Variants in WHAMM observed in about 807,000 individuals in gnomAD.
The protein encoded by WHAMM is WASP homolog-associated protein with actin, membranes and microtubules.
A neutral mutation model predicts 76.5 loss-of-function variants in WHAMM; 67 were observed. That is an observed-to-expected ratio of 0.88 (90% confidence interval 0.72 to 1.07). The LOEUF (loss-of-function observed/expected upper bound fraction) is 1.07. Among genes scored for constraint, WHAMM ranks in the 50% least tolerant of loss-of-function variants. The pLI is 0.00. For synonymous variants in WHAMM, 419 were observed against 422.1 expected (o/e 0.99, Z 0.09); for missense variants, 1,021 against 1,051.1 (o/e 0.97, Z 0.40).
At position 82,834,430 on chromosome 15, in the gene WHAMM, A is replaced by G. The variant is rs1461130876; in HGVS notation, c.*894A>G. 6.6e-6 allele frequency: 1 copy of G among 152,596 alleles called. No individual in the cohort carries two copies. The highest frequency in any genetic ancestry group is 1.5e-5 in the Non-Finnish European group (1 of 68,058). The allele number at this position is 152,596 out of a possible 1,614,324, so 9.5% of individuals were successfully genotyped here. A position where few individuals can be genotyped will look rare whatever the true frequency, so the allele number is the denominator to read the frequency against. On this transcript the variant is annotated 3_prime_UTR_variant, in exon 10 of 10. Transcript: ENST00000286760. ...ACACCAGCCCATAGGTGGGATGTCA[A>G]GACCCATCGGAAGTGTCGCTGGCCT... is the stretch of plus-strand genomic sequence containing the variant.
chr15:82,811,652 A>AT (rs2050630878), intron 1 of WHAMM, among the ~76,000 whole-genome samples: 1 of 152,192 alleles, frequency 6.6e-6, no homozygotes, highest in South Asian at 2.1e-4. Context: ...CAAATATATA[A>AT]TTTTAATATT....
At position 82,815,111 on chromosome 15, in the gene WHAMM, T is replaced by TTATATATATATA. The variant is rs147147568; in HGVS notation, c.784-1548_784-1537dup. On this transcript the variant is annotated intron_variant, in intron 2 of 9. Coordinates refer to ENST00000286760, the MANE Select transcript of WHAMM (RefSeq NM_001080435.3). ...TGTTTTAAGATATCACTCACAGATT[T>TTATATATATATA]TATATATATATATATATATATATAT... Among the ~76,000 whole-genome samples, 142 of 49,586 alleles carry TTATATATATATA rather than the reference T, an allele frequency of 2.9e-3. 1 individual carries two copies. Among genetic ancestry groups the TTATATATATATA allele is most frequent in the South Asian group, 5.0e-3 (5 of 1,006 alleles). The allele number at this position is 49,586 out of a possible 152,430, so 32.5% of individuals were successfully genotyped here. A position where few individuals can be genotyped will look rare whatever the true frequency, so the allele number is the denominator to read the frequency against.
intron 5 of WHAMM, among the ~76,000 whole-genome samples, chr15:82,820,014 T>TC (rs2050793047): frequency 6.6e-6 from 1 of 150,654 alleles, no homozygotes; most frequent in Non-Finnish European, 1.5e-5. Flanking sequence ...AGGGCGAGAC[T>TC]CCATCTTGAA....
intron 5 of WHAMM, among the ~76,000 whole-genome samples, chr15:82,821,836 C>T (rs878901724): frequency 1.3e-5 from 2 of 152,160 alleles, no homozygotes; most frequent in African/African-American, 4.8e-5. Context: ...TACCCAAGAA[C>T]ATGGTATGTC....
chr15:82,825,891 A>T (rs372696316), intron 6 of WHAMM, among the ~76,000 whole-genome samples: 11 of 152,330 alleles, frequency 7.2e-5, no homozygotes, highest in African/African-American at 2.4e-4. Context: ...AAACCTACTC[A>T]ATAAATGTTA....
In WHAMM at chr15:82,823,722, C is replaced by T. The variant is rs150948616; in HGVS notation, c.1458+435C>T. Among the ~76,000 whole-genome samples, 675 of 152,250 alleles carry T rather than the reference C, an allele frequency of 4.4e-3. 3 individuals are homozygous for T. Among genetic ancestry groups the T allele is most frequent in the Non-Finnish European group, 6.1e-3 (418 of 68,020 alleles). On this transcript the variant is annotated intron_variant, in intron 6 of 9. Coordinates refer to ENST00000286760, the MANE Select transcript of WHAMM (RefSeq NM_001080435.3). ...CTGGGTTTACAGGCACGCGCCAGCA[C>T]GCCCAGCTAATTTTTGTATATTTTG... is the stretch of plus-strand genomic sequence containing the variant.
Position 82,833,304 on chromosome 15 carries a change from G to A in WHAMM, c.2198G>A (p.Arg733His), listed in dbSNP as rs367653487. 18 of 1,613,898 alleles carry A rather than the reference G, an allele frequency of 1.1e-5. No individual in the cohort carries two copies. The highest frequency in any genetic ancestry group is 9.9e-5 in the South Asian group (9 of 91,066). ...PLRKVEVPAV[R>H]PPHASINEHI... ...CGGAAGGTGGAAGTGCCGGCGGTGC[G>A]CCCTCCCCACGCCTCAATCAATGAG... The change falls in exon 10 of 10, where the codon CGC becomes CAC. Residue 733 changes from arginine to histidine, a missense_variant. Arg to His is a conservative substitution (Grantham distance 29, BLOSUM62 0). Transcript: ENST00000286760.
intron 1 of WHAMM, 40 bp downstream of exon 1, chr15:82,810,375 A>T (rs779868834): frequency 1.6e-6 from 2 of 1,284,600 alleles, no homozygotes; most frequent in East Asian, 3.2e-5. Flanking sequence ...CCGCGCTTCC[A>T]TGGCCTGGGA....
At chr15:82,826,537 C>T (rs1202407762) in intron 7 of WHAMM, 41 bp downstream of exon 7, 8 of 1,599,338 alleles carry the variant, frequency 5.0e-6, no homozygotes, top group South Asian at 1.1e-5. Flanking sequence ...GTTTGTGTAG[C>T]GTGACATGCA....
intron 5 of WHAMM, among the ~76,000 whole-genome samples, chr15:82,820,042 G>C (rs1461295802): frequency 6.6e-6 from 1 of 150,820 alleles, no homozygotes; most frequent in Non-Finnish European, 1.5e-5. Flanking sequence ...AAAAAAAAAA[G>C]ATACTTCGTG....
rs367874690 is a variant in WHAMM, at chr15:82,833,686, ATTTTT to A, written c.*160_*164del. ...AGGGCCTTGTGTAGGCTGCTGCAGC[ATTTTT>A]TTTTTTTTTCTTTTTTGAGATGGAG... On this transcript the variant is annotated 3_prime_UTR_variant, in exon 10 of 10. Coordinates refer to ENST00000286760, the MANE Select transcript of WHAMM (RefSeq NM_001080435.3). 1.0e-5 allele frequency: 7 copies of A among 677,102 alleles called. No individual in the cohort carries two copies. The highest frequency in any genetic ancestry group is 6.6e-5 in the Admixed American group (2 of 30,454). The allele number at this position is 677,102 out of a possible 1,614,324, so 41.9% of individuals were successfully genotyped here.
rs1404341543 is a variant in WHAMM, at chr15:82,835,197, G to C, written c.*1661G>C. 2 of 151,816 alleles carry C rather than the reference G, an allele frequency of 1.3e-5. No individual in the cohort carries two copies. Among genetic ancestry groups the C allele is most frequent in the Admixed American group, 1.3e-4 (2 of 15,248 alleles). 9.4% of individuals were successfully genotyped at this position (151,816 alleles called of 1,614,324 possible). On this transcript the variant is annotated 3_prime_UTR_variant, in exon 10 of 10. Coordinates refer to ENST00000286760, the MANE Select transcript of WHAMM (RefSeq NM_001080435.3). Reference sequence around the variant, plus strand: ...GCTGGAGTGCGGTGGCACGATCTCAGCTCACTGCAACCTCTGCCTCCTGGG... The same window carrying C: ...GCTGGAGTGCGGTGGCACGATCTCACCTCACTGCAACCTCTGCCTCCTGGG...
intron 3 of WHAMM, among the ~76,000 whole-genome samples, 157 bp downstream of exon 3, chr15:82,816,999 G>A (rs2050738245): frequency 1.3e-5 from 2 of 152,194 alleles, no homozygotes; most frequent in Admixed American, 1.3e-4. Flanking sequence ...CTGGTGAAGG[G>A]AGAGAAATCT....
At chr15:82,825,717 G>A (rs770097940) in intron 6 of WHAMM, among the ~76,000 whole-genome samples, 15 of 151,982 alleles carry the variant, frequency 9.9e-5, no homozygotes, top group Non-Finnish European at 1.9e-4. Flanking sequence ...GAACCCGGGA[G>A]GTGGAGGTTG....
Position 82,809,928 on chromosome 15 carries a change from A to G in WHAMM, c.202A>G (p.Lys68Glu), listed in dbSNP as rs1596274323. ...CCGGTTGGGGCCCGAGCCCGAGCCCAAGCCTGAGGCCGCCGTCTCCCCGTC... is the reference window on the plus strand; with the variant it reads ...CCGGTTGGGGCCCGAGCCCGAGCCCGAGCCTGAGGCCGCCGTCTCCCCGTC... ...GARLGPEPEP[K>E]PEAAVSPSSW... is the part of the protein sequence containing the mutation. Residue 68 changes from lysine to glutamate, a missense_variant, in exon 1 of 10, where the codon AAG (lysine) becomes GAG (glutamate). Around this residue, in one of 3 missense-constraint regions of WHAMM, gnomAD observed 501 missense variants for 524.9 expected, o/e 0.95. Transcript: ENST00000286760. 1 of 1,463,310 alleles carries G rather than the reference A, an allele frequency of 6.8e-7. No homozygotes were observed. The allele number at this position is 1,463,310 out of a possible 1,614,324, so 90.6% of individuals were successfully genotyped here.
intron 8 of WHAMM, among the ~76,000 whole-genome samples, 161 bp downstream of exon 8, chr15:82,827,007 A>G (rs1451484489): frequency 6.6e-6 from 1 of 152,226 alleles, no homozygotes; most frequent in Admixed American, 6.5e-5. Flanking sequence ...AACAACAAAA[A>G]TAGAATATCA....
chr15:82,827,070 G>A (rs957204071), intron 8 of WHAMM, among the ~76,000 whole-genome samples: 5 of 152,124 alleles, frequency 3.3e-5, no homozygotes, highest in Admixed American at 2.0e-4. Context: ...ATCACAACAC[G>A]CTTGGGTTCC....
At position 82,831,064 on chromosome 15, in the gene WHAMM, A is replaced by G. The variant is rs924942916; in HGVS notation, c.2107A>G (p.Ser703Gly). ...TGAGCGACCACGTGACTCCTTGGAA[A>G]GTTTTTCATGTCCAGGTAATCCACT... ...PAERPRDSLE[S>G]FSCPGSMDEV... Residue 703 changes from serine (S) to glycine (G), a missense_variant, in exon 9 of 10, where the codon AGT (serine) becomes GGT (glycine). Physicochemically the swap from Ser to Gly is moderately conservative, Grantham distance 56 (BLOSUM62 0). This residue lies in a region of WHAMM where 509 missense variants were observed against 492.3 expected (regional missense o/e 1.03). Transcript: ENST00000286760. The G allele has an allele frequency of 1.2e-5, 20 of 1,606,942 alleles. No homozygotes were observed. Among genetic ancestry groups the G allele is most frequent in the Non-Finnish European group, 1.7e-5 (20 of 1,179,646 alleles).
Position 82,833,501 on chromosome 15 carries a change from A to G in WHAMM, c.2395A>G (p.Ser799Gly). The stretch of plus-strand genomic sequence containing the variant: ...GGTGTCTGCTGACTCTGAGGAGGAC[A>G]GTGATGAGCAGGACCCTGGCCAGTG... ...KRVSADSEED[S>G]DEQDPGQWDG The change falls in exon 10 of 10, where the codon AGT becomes GGT. Residue 799 changes from serine to glycine, a missense_variant. Transcript: ENST00000286760. 6.2e-7 allele frequency: 1 copy of G among 1,613,968 alleles called. No homozygotes were observed. The highest frequency in any genetic ancestry group is 8.5e-7 in the Non-Finnish European group (1 of 1,179,886).
Sources: allele counts gnomAD v4.1 joint callset (sites outside exome capture counted in the v4.1 genomes callset), GRCh38; gene constraint gnomAD v4.1.1; regional missense constraint gnomAD v4.1.1; transcripts MANE v1.5; gene names NCBI Gene and HGNC (gene_info 2026-07-23, HGNC 2026-07-21).